Variants in GUCY2F observed in about 807,000 individuals in gnomAD.
GUCY2F encodes the protein guanylate cyclase 2F, retinal, also known as retinal guanylyl cyclase 2.
Under a neutral mutation model 73.1 loss-of-function variants are expected in GUCY2F, and 61 were observed. That is an observed-to-expected ratio of 0.83 (90% CI 0.68 to 1.03). The LOEUF is 1.03. Ranked by LOEUF, GUCY2F falls within the 50% of genes least tolerant of loss-of-function variation. GUCY2F has a pLI of 0.00. For missense variants in GUCY2F, 912 were observed against 854.3 expected (o/e 1.07, Z -0.84); for synonymous variants, 331 against 307.8 (o/e 1.08, Z -0.79).
chrX:109,439,538 GT>G (rs373834899), intron 7 of GUCY2F, among the ~76,000 whole-genome samples: 47 of 104,238 alleles, frequency 4.5e-4, no homozygotes, highest in African/African-American at 1.3e-3. Flanking sequence ...CGATTCCCTT[GT>G]TTTTTTTTTA....
intron 7 of GUCY2F, among the ~76,000 whole-genome samples, chrX:109,438,918 G>T (rs1191403296): frequency 8.9e-6 from 1 of 112,786 alleles, no homozygotes; most frequent in Non-Finnish European, 1.9e-5. Flanking sequence ...ATTCCACTGG[G>T]TATTGTTCTA....
chrX:109,380,196 C>T (rs1423075932), intron 17 of GUCY2F, among the ~76,000 whole-genome samples: 1 of 112,058 alleles, frequency 8.9e-6, no homozygotes, highest in East Asian at 2.8e-4. Context: ...GAAATCACAC[C>T]GGGCTCACCA....
chrX:109,437,739 C>T (rs775420722), intron 7 of GUCY2F, among the ~76,000 whole-genome samples: 8 of 112,846 alleles, frequency 7.1e-5, no homozygotes, highest in Non-Finnish European at 1.3e-4. Flanking sequence ...CAGTAAGCAA[C>T]CAAGATTGAG....
chrX:109,430,353 C>T lies in GUCY2F; in HGVS notation c.1745G>A (p.Gly582Glu). 1 of 1,145,692 alleles carries T rather than the reference C, an allele frequency of 8.7e-7. No individual in the cohort carries two copies. The allele number at this position is 1,145,692 out of a possible 1,213,427, so 94.4% of individuals were successfully genotyped here. Residue 582 changes from glycine to glutamate, a missense_variant, in exon 8 of 20, where the codon GGA becomes GAA. Coordinates refer to ENST00000218006, the MANE Select transcript of GUCY2F (RefSeq NM_001522.3). ...WLKKFSLGDF[G>E]DLKSIKSRAS... Reference sequence around the variant, plus strand: ...TCTTGATTTGATGGACTTAAGGTCTCCAAAATCTCCAAGGGAGAACTTTTT... The same window carrying T: ...TCTTGATTTGATGGACTTAAGGTCTTCAAAATCTCCAAGGGAGAACTTTTT...
At chrX:109,469,804 G>A (rs2300112) in intron 2 of GUCY2F, among the ~76,000 whole-genome samples, 1,355 of 111,559 alleles carry the variant, frequency 0.012, 15 homozygotes, top group East Asian at 0.051. Context: ...GTAAGAGGAA[G>A]GTGGGAGGCT....
In GUCY2F at chrX:109,453,615, A is replaced by C; in HGVS notation, c.1277T>G (p.Met426Arg). 8.3e-7 allele frequency: 1 copy of C among 1,203,753 alleles called. No individual in the cohort carries two copies. Among genetic ancestry groups the C allele is most frequent in the Non-Finnish European group, 1.1e-6 (1 of 888,481 alleles). The stretch of plus-strand genomic sequence containing the variant: ...TCCGAAACGTAGCAGCTCCATTTCC[A>C]TGTCCACAGTGTAGGTGCTATGGAG... Reference protein sequence around the residue: ...WELHSTYTVDMEMELLRFGGT... With the variant: ...WELHSTYTVDREMELLRFGGT... The change falls in exon 4 of 20, where the codon ATG becomes AGG. Residue 426 changes from methionine to arginine, a missense_variant. Coordinates refer to ENST00000218006, the MANE Select transcript of GUCY2F (RefSeq NM_001522.3).
At chrX:109,481,101 A>AG in intron 1 of GUCY2F, among the ~76,000 whole-genome samples, 1 of 60,103 alleles carries the variant, frequency 1.7e-5, no homozygotes, top group Non-Finnish European at 3.0e-5. Flanking sequence ...GAAGGAAGGA[A>AG]GGAAGGGAGG....
rs145537826 is a variant in GUCY2F, at chrX:109,450,105, C to T, written c.1472+1918G>A. Among the ~76,000 whole-genome samples, 709 of 110,676 alleles carry T rather than the reference C, an allele frequency of 6.4e-3. 5 individuals carry two copies. Among genetic ancestry groups the T allele is most frequent in the Middle Eastern group, 0.028 (6 of 216 alleles). ...GCTTTGTTAGCTGAAGAACCAAGGACCAAGTGAGTCTGGGAAATGATGTAC... is the reference window on the plus strand; with the variant it reads ...GCTTTGTTAGCTGAAGAACCAAGGATCAAGTGAGTCTGGGAAATGATGTAC... On this transcript the variant is annotated intron_variant, in intron 5 of 19. Coordinates refer to ENST00000218006, the MANE Select transcript of GUCY2F (RefSeq NM_001522.3).
chrX:109,451,766 T>C (rs1455036604), intron 5 of GUCY2F, among the ~76,000 whole-genome samples: 1 of 111,583 alleles, frequency 9.0e-6, no homozygotes, highest in Non-Finnish European at 1.9e-5. Context: ...AGTTCTCTTA[T>C]TTCACCATTG....
chrX:109,403,512 G>A (rs1930897646), intron 10 of GUCY2F, among the ~76,000 whole-genome samples: 1 of 111,826 alleles, frequency 8.9e-6, no homozygotes, highest in African/African-American at 3.3e-5. Context: ...CTTAATATCA[G>A]TTTTACCTAG....
chrX:109,373,266 G>C (rs979743779), intron 19 of GUCY2F, among the ~76,000 whole-genome samples: 1 of 112,086 alleles, frequency 8.9e-6, no homozygotes, highest in Non-Finnish European at 1.9e-5. Flanking sequence ...ACTTACTAAT[G>C]AGGTATGTTC....
intron 2 of GUCY2F, among the ~76,000 whole-genome samples, chrX:109,473,579 C>T (rs1932617615): frequency 9.0e-6 from 1 of 111,311 alleles, no homozygotes; most frequent in African/African-American, 3.3e-5. Flanking sequence ...TGCAGCCACA[C>T]TGAGAACCCT....
intron 2 of GUCY2F, among the ~76,000 whole-genome samples, chrX:109,470,053 C>T (rs1932543227): frequency 8.9e-6 from 1 of 112,043 alleles, no homozygotes; most frequent in South Asian, 3.8e-4. Context: ...AAAGACTATT[C>T]CATCTGCATC....
At chrX:109,480,853 C>A (rs1391024819) in intron 1 of GUCY2F, among the ~76,000 whole-genome samples, 1 of 108,234 alleles carries the variant, frequency 9.2e-6, no homozygotes, top group Non-Finnish European at 1.9e-5. Flanking sequence ...TAGTCTTGAT[C>A]CCCCAACTCA....
At chrX:109,418,931 G>A (rs913225640) in intron 8 of GUCY2F, among the ~76,000 whole-genome samples, 56 of 110,333 alleles carry the variant, frequency 5.1e-4, no homozygotes, top group African/African-American at 1.7e-3. Context: ...CAGATCATAC[G>A]GATATCAGTA....
At chrX:109,476,277 A>G (rs1181989272) in intron 1 of GUCY2F, among the ~76,000 whole-genome samples, 1 of 111,325 alleles carries the variant, frequency 9.0e-6, no homozygotes, top group African/African-American at 3.3e-5. Flanking sequence ...CCCACATTCA[A>G]TCTATCACCA....
intron 3 of GUCY2F, among the ~76,000 whole-genome samples, chrX:109,462,297 C>T (rs1444752952): frequency 1.8e-5 from 2 of 113,229 alleles, no homozygotes; most frequent in South Asian, 3.6e-4. Flanking sequence ...AAAGTGAGAG[C>T]TTAACATGCA....
intron 19 of GUCY2F, among the ~76,000 whole-genome samples, chrX:109,375,441 C>T (rs772538261): frequency 9.0e-6 from 1 of 111,254 alleles, no homozygotes; most frequent in Non-Finnish European, 1.9e-5. Context: ...GCAGTGCCTC[C>T]GGAGGAAATG....
At chrX:109,406,592 T>G (rs61272954) in intron 9 of GUCY2F, among the ~76,000 whole-genome samples, 13,452 of 110,230 alleles carry the variant, frequency 0.12, 1,973 homozygotes, top group African/African-American at 0.42. Context: ...GGTGGTGGGG[T>G]AAAAACTTGG....
Sources: allele counts gnomAD v4.1 joint callset (sites outside exome capture counted in the v4.1 genomes callset), GRCh38; gene constraint gnomAD v4.1.1; transcripts MANE v1.5; gene names NCBI Gene and HGNC (gene_info 2026-07-23, HGNC 2026-07-21).